RELN: variants seen among roughly 807,000 people sequenced by gnomAD.
RELN encodes reelin.
A neutral mutation model predicts 427.6 loss-of-function variants in RELN; 108 were observed. That is an observed-to-expected ratio of 0.25 (90% CI 0.22 to 0.30). The LOEUF (loss-of-function observed/expected upper bound fraction) is 0.30, where lower values mean the gene tolerates loss of function less well. RELN is among the 10% of genes least tolerant of loss of function. The pLI is 1.00. For synonymous variants in RELN, 1,524 were observed against 1,513.4 expected (o/e 1.01, Z -0.16); for missense variants, 3,715 against 4,302.8 (o/e 0.86, Z 3.82).
chr7:103,821,105 A>T (rs1793003546), intron 3 of RELN, among the ~76,000 whole-genome samples: 1 of 152,148 alleles, frequency 6.6e-6, no homozygotes, highest in African/African-American at 2.4e-5. Flanking sequence ...AAAAGTCCAT[A>T]ACAACAGATG....
intron 2 of RELN, among the ~76,000 whole-genome samples, chr7:103,888,697 G>A (rs1037866813): frequency 2.0e-5 from 3 of 152,114 alleles, no homozygotes; most frequent in African/African-American, 7.2e-5. Flanking sequence ...GCCCCATGAT[G>A]CCACAGCTTG....
At chr7:103,656,499 T>C (rs1833025860) in intron 12 of RELN, among the ~76,000 whole-genome samples, 1 of 152,148 alleles carries the variant, frequency 6.6e-6, no homozygotes, top group South Asian at 2.1e-4. Context: ...ACCCCATTGG[T>C]GTGCTCCTAG....
At chr7:103,922,104 G>A (rs10277802) in intron 1 of RELN, among the ~76,000 whole-genome samples, 22,652 of 152,060 alleles carry the variant, frequency 0.15, 3,757 homozygotes, top group African/African-American at 0.4. Flanking sequence ...AATTGAGAGT[G>A]TAATGTAGCC....
intron 6 of RELN, among the ~76,000 whole-genome samples, chr7:103,735,898 G>A (rs1790480480): frequency 1.3e-5 from 2 of 152,152 alleles, no homozygotes; most frequent in African/African-American, 2.4e-5. Flanking sequence ...ACATTCACCA[G>A]TATTTCTGAA....
chr7:103,773,821 G>A (rs1791669119), intron 4 of RELN, among the ~76,000 whole-genome samples: 1 of 151,992 alleles, frequency 6.6e-6, no homozygotes, highest in Non-Finnish European at 1.5e-5. Context: ...ACCTTCCTGG[G>A]ATGCCTTTCC....
intron 55 of RELN, 106 bp downstream of exon 55, chr7:103,497,714 C>T: frequency 1.1e-6 from 1 of 911,550 alleles, no homozygotes; most frequent in Non-Finnish European, 1.8e-6. Context: ...GTGAGTTTCA[C>T]AATTCAAACT....
intron 3 of RELN, among the ~76,000 whole-genome samples, chr7:103,818,010 T>G (rs536685360): frequency 3.3e-5 from 5 of 151,358 alleles, no homozygotes; most frequent in Middle Eastern, 3.4e-3. Context: ...CAATTCTCAC[T>G]TTTTAAAAAA....
intron 1 of RELN, among the ~76,000 whole-genome samples, chr7:103,954,515 A>G (rs115284471): frequency 7.6e-4 from 116 of 152,288 alleles, no homozygotes; most frequent in African/African-American, 2.6e-3. Context: ...AAAGACTTCA[A>G]TTCATCCTTT....
At chr7:103,690,384 C>T (rs1833848959) in intron 10 of RELN, among the ~76,000 whole-genome samples, 1 of 152,048 alleles carries the variant, frequency 6.6e-6, no homozygotes, top group Non-Finnish European at 1.5e-5. Context: ...ATCATTCCCC[C>T]ACTACAGGGA....
At chr7:103,880,554 G>A (rs558374802) in intron 2 of RELN, among the ~76,000 whole-genome samples, 9 of 152,168 alleles carry the variant, frequency 5.9e-5, no homozygotes, top group African/African-American at 9.6e-5. Flanking sequence ...AAGAGCACGA[G>A]CTCTGACAAG....
At chr7:103,519,583 T>C (rs1339004461) in intron 48 of RELN, 67 bp from the exon 49 acceptor site, 3 of 1,258,008 alleles carry the variant, frequency 2.4e-6, no homozygotes, top group Non-Finnish European at 3.3e-6. Flanking sequence ...AGATTTTCTA[T>C]GGATTTTTTT....
At chr7:103,956,651 G>C (rs1026495609) in intron 1 of RELN, among the ~76,000 whole-genome samples, 1 of 152,122 alleles carries the variant, frequency 6.6e-6, no homozygotes, top group Non-Finnish European at 1.5e-5. Context: ...CTGAAAAATC[G>C]TGTTTACATC....
chr7:103,938,999 T>C (rs1482274437), intron 1 of RELN, among the ~76,000 whole-genome samples: 2 of 152,076 alleles, frequency 1.3e-5, no homozygotes, highest in Non-Finnish European at 2.9e-5. Context: ...CTGTATGTAG[T>C]CCAATGGCGT....
intron 32 of RELN, 50 bp downstream of exon 32, chr7:103,566,551 T>C (rs1830755973): frequency 1.9e-6 from 3 of 1,610,674 alleles, no homozygotes; most frequent in South Asian, 1.1e-5. Context: ...TGGGTATGGA[T>C]ACTTCATGAC....
intron 10 of RELN, among the ~76,000 whole-genome samples, chr7:103,696,879 T>C (rs1388325686): frequency 1.3e-5 from 2 of 152,134 alleles, no homozygotes; most frequent in African/African-American, 4.8e-5. Flanking sequence ...AAGATAAAAA[T>C]TCAAACTCTA....
At chr7:103,636,123 G>A in intron 18 of RELN, 112 bp downstream of exon 18, 2 of 816,362 alleles carry the variant, frequency 2.4e-6, no homozygotes, top group Non-Finnish European at 4.1e-6. Context: ...TCCAACCCTA[G>A]TTAAAAATGA....
At chr7:103,578,585 C>T (rs1251907174) in intron 28 of RELN, among the ~76,000 whole-genome samples, 3 of 152,126 alleles carry the variant, frequency 2.0e-5, no homozygotes, top group Non-Finnish European at 4.4e-5. Context: ...TGCCTGGTTC[C>T]TGATGTCTGC....
In RELN at chr7:103,781,129, G is replaced by C. The variant is rs1791878408; in HGVS notation, c.474-4502C>G. Among the ~76,000 whole-genome samples the C allele has an allele frequency of 2.0e-5, 3 of 152,148 alleles. No individual in the cohort carries two copies. The South Asian group carries it at 6.2e-4, about 32-fold the overall frequency. On this transcript the variant is annotated intron_variant, in intron 3 of 64. Transcript: ENST00000428762. Reference sequence around the variant, plus strand: ...GGTCTGCATATTGGCATCTTATCTTGGGGAAAAGAAAAAGCAGAAGCCCAA... The same window carrying C: ...GGTCTGCATATTGGCATCTTATCTTCGGGAAAAGAAAAAGCAGAAGCCCAA...
intron 1 of RELN, among the ~76,000 whole-genome samples, chr7:103,977,505 G>T (rs1442425998): frequency 6.6e-6 from 1 of 151,918 alleles, no homozygotes; most frequent in Non-Finnish European, 1.5e-5. Flanking sequence ...AGATCTATAT[G>T]TACAATAAGA....
Sources: allele counts gnomAD v4.1 joint callset (sites outside exome capture counted in the v4.1 genomes callset), GRCh38; gene constraint gnomAD v4.1.1; transcripts MANE v1.5; gene names NCBI Gene and HGNC (gene_info 2026-07-23, HGNC 2026-07-21).